LARGE1: variants seen among roughly 807,000 people sequenced by gnomAD.
LARGE1 encodes the protein LARGE xylosyl- and glucuronyltransferase 1.
In LARGE1, 43 loss-of-function variants were observed where a neutral mutation model predicts 87.6. The observed-to-expected ratio is 0.49, with a 90% confidence interval of 0.38 to 0.63. The LOEUF (loss-of-function observed/expected upper bound fraction) is 0.63, where lower values mean the gene tolerates loss of function less well. LARGE1 is among the 30% of genes least tolerant of loss of function. The pLI is 0.00. For synonymous variants in LARGE1, 434 were observed against 394.6 expected, an observed-to-expected ratio of 1.10 and a Z score of -1.18; for missense variants, 802 against 1,000.2, an observed-to-expected ratio of 0.80 and a Z score of 2.67.
intron 6 of LARGE1, among the ~76,000 whole-genome samples, chr22:33,497,576 C>T (rs2070201650): frequency 1.3e-5 from 2 of 152,164 alleles, no homozygotes; most frequent in Non-Finnish European, 2.9e-5. Context: ...AAGATCACTG[C>T]CAGAAGCTTA....
At chr22:33,720,489 T>C (rs1004590622) in intron 2 of LARGE1, among the ~76,000 whole-genome samples, 6 of 152,190 alleles carry the variant, frequency 3.9e-5, no homozygotes, top group African/African-American at 1.2e-4. Flanking sequence ...GTACACTCTA[T>C]GATATTTATA....
the LARGE1 span, among the ~76,000 whole-genome samples, chr22:33,131,311 TCA>T: frequency 1.3e-5 from 2 of 152,178 alleles, no homozygotes; most frequent in African/African-American, 4.8e-5. Context: ...TCTCTCTCTC[TCA>T]GTGTGCCACT....
intron 5 of LARGE1, among the ~76,000 whole-genome samples, chr22:33,582,879 G>A (rs2078562645): frequency 6.6e-6 from 1 of 152,216 alleles, no homozygotes; most frequent in Admixed American, 6.5e-5. Context: ...CTAGATAGTA[G>A]CTCCAAGGTG....
intron 10 of LARGE1, among the ~76,000 whole-genome samples, chr22:33,319,435 G>A (rs1043177623): frequency 6.6e-6 from 1 of 152,102 alleles, no homozygotes; most frequent in Non-Finnish European, 1.5e-5. Flanking sequence ...TAGCTCTGTT[G>A]CCCAGGCTGG....
Position 33,777,641 on chromosome 22 carries a change from G to A in LARGE1, c.-82-16083C>T, listed in dbSNP as rs2085285420. ...CTGGGCAACAGAGAGGGAGGGAGGG[G>A]AAGGGGGAGGGGGAGGGGGAGGGGA... On this transcript the variant is annotated intron_variant, in intron 1 of 14. Coordinates refer to ENST00000397394, the MANE Select transcript of LARGE1 (RefSeq NM_133642.5). 3.2e-5 allele frequency among the ~76,000 whole-genome samples: 4 copies of A among 123,794 alleles called. No individual in the cohort carries two copies. In the South Asian group the frequency reaches 1.3e-3, roughly 40 times the overall value. 81.2% of individuals were successfully genotyped at this position (123,794 alleles called of 152,430 possible).
chr22:33,188,374 G>A (rs1028174519), intron 11 of LARGE1, among the ~76,000 whole-genome samples: 2 of 152,044 alleles, frequency 1.3e-5, no homozygotes, highest in Non-Finnish European at 2.9e-5. Flanking sequence ...AACAAATAAG[G>A]AGGGGCAGGT....
intron 1 of LARGE1, among the ~76,000 whole-genome samples, chr22:33,806,054 C>T (rs1433147859): frequency 5.3e-5 from 8 of 152,192 alleles, no homozygotes; most frequent in Non-Finnish European, 1.2e-4. Flanking sequence ...TTTCCATGAA[C>T]TCCAAAACAA....
intron 11 of LARGE1, among the ~76,000 whole-genome samples, chr22:33,170,537 T>C (rs1322295665): frequency 2.6e-5 from 4 of 152,144 alleles, no homozygotes; most frequent in Non-Finnish European, 5.9e-5. Flanking sequence ...TCCCCGATGC[T>C]GTTCTCGTGA....
intron 10 of LARGE1, among the ~76,000 whole-genome samples, chr22:33,325,773 T>C (rs974458051): frequency 5.9e-5 from 9 of 152,222 alleles, no homozygotes; most frequent in African/African-American, 2.2e-4. Context: ...AAATTACCAC[T>C]CAAGCATGTT....
intron 9 of LARGE1, among the ~76,000 whole-genome samples, chr22:33,355,136 G>A (rs1042874723): frequency 6.6e-6 from 1 of 152,166 alleles, no homozygotes; most frequent in Non-Finnish European, 1.5e-5. Context: ...TACACAGCCT[G>A]AACTCTCTGC....
intron 3 of LARGE1, among the ~76,000 whole-genome samples, chr22:33,649,851 A>G (rs2149179154): frequency 6.6e-6 from 1 of 152,352 alleles, no homozygotes; most frequent in Non-Finnish European, 1.5e-5. Flanking sequence ...AGCATACCCT[A>G]AAAGGGGAGA....
chr22:33,587,351 C>CA (rs1306234597), intron 5 of LARGE1, among the ~76,000 whole-genome samples: 5 of 151,930 alleles, frequency 3.3e-5, no homozygotes, highest in Non-Finnish European at 5.9e-5. Context: ...CCAAAATATC[C>CA]AAAAAGGGTA....
At chr22:33,835,326 T>G (rs1035947565) in intron 1 of LARGE1, among the ~76,000 whole-genome samples, 3 of 152,212 alleles carry the variant, frequency 2.0e-5, no homozygotes, top group Non-Finnish European at 4.4e-5. Flanking sequence ...CTCCTGTGAT[T>G]TTCAACTCCC....
chr22:33,372,878 C>T (rs1254240315), intron 9 of LARGE1, among the ~76,000 whole-genome samples: 3 of 152,082 alleles, frequency 2.0e-5, no homozygotes, highest in African/African-American at 7.2e-5. Context: ...AGAAACAAGA[C>T]AGACAGGAAT....
chr22:33,916,533 C>T (rs2065792179), intron 1 of LARGE1, among the ~76,000 whole-genome samples: 1 of 152,202 alleles, frequency 6.6e-6, no homozygotes, highest in Non-Finnish European at 1.5e-5. Context: ...CTGAACACCT[C>T]TCAATGGCAA....
At chr22:33,621,203 A>G (rs963425632) in intron 4 of LARGE1, among the ~76,000 whole-genome samples, 1 of 152,158 alleles carries the variant, frequency 6.6e-6, no homozygotes, top group African/African-American at 2.4e-5. Context: ...TTCTGTTCTT[A>G]AGTATTATCC....
intron 5 of LARGE1, among the ~76,000 whole-genome samples, chr22:33,567,127 G>C (rs1054796766): frequency 2.0e-5 from 3 of 152,188 alleles, no homozygotes; most frequent in African/African-American, 7.2e-5. Flanking sequence ...TGGGTCTCAT[G>C]AGTCAGCATG....
At chr22:33,078,196 C>T in the LARGE1 span, among the ~76,000 whole-genome samples, 1 of 152,166 alleles carries the variant, frequency 6.6e-6, no homozygotes, top group Non-Finnish European at 1.5e-5. Context: ...TGGTCATGGA[C>T]TACATTAACT....
At chr22:33,608,814 C>T (rs553595104) in intron 4 of LARGE1, among the ~76,000 whole-genome samples, 1 of 152,194 alleles carries the variant, frequency 6.6e-6, no homozygotes, top group South Asian at 2.1e-4. Context: ...GTAAGCAAGT[C>T]ACTTCATCTC....
Sources: gnomAD v4.1 joint callset for allele counts (sites outside exome capture counted in the v4.1 genomes callset) on GRCh38, gnomAD v4.1.1 for gene constraint, MANE v1.5 for transcripts, NCBI Gene and HGNC (gene_info 2026-07-23, HGNC 2026-07-21) for gene names.